Variants in TSBP1 observed in about 807,000 individuals in gnomAD.
The protein encoded by TSBP1 is testis expressed basic protein 1.
TSBP1 carries 56 observed loss-of-function variants against 68.8 expected under a neutral mutation model. The ratio of observed to expected loss-of-function variants is 0.81; its 90% CI spans 0.66 to 1.02. The LOEUF (loss-of-function observed/expected upper bound fraction) is 1.02. Ranked by LOEUF, TSBP1 falls within the 50% of genes least tolerant of loss-of-function variation. The pLI, the probability that TSBP1 is intolerant of heterozygous loss-of-function variation, is 0.00. For missense variants in TSBP1, 502 were observed against 641.2 expected (o/e 0.78, Z 2.34); for synonymous variants, 171 against 208.7 (o/e 0.82, Z 1.56).
chr6:32,293,892 T>G, exon 23 of TSBP1: 1 of 1,612,982 alleles, frequency 6.2e-7, no homozygotes, highest in East Asian at 2.2e-5. Flanking sequence ...TCTACAGAAT[T>G]CGTAAATATG....
In TSBP1 at chr6:32,365,774, T is replaced by G. The variant is rs1773632253; in HGVS notation, c.217+393A>C. The G allele has an allele frequency of 2.5e-6, 1 of 397,072 alleles. No individual in the cohort carries two copies. The highest frequency in any genetic ancestry group is 4.9e-6 in the Non-Finnish European group (1 of 202,934). The allele number at this position is 397,072 out of a possible 1,614,324, so 24.6% of individuals were successfully genotyped here. ...CTTCTTACCCTCTTTAATACATCTG[T>G]TCTAGGATTTTATAACCTGACAGCG... On this transcript the variant is annotated intron_variant, in intron 6 of 22. Transcript: ENST00000612031. This position sits in a 1 kb window ranked among gnomAD's most constrained non-coding sequence, Gnocchi z 4.3.
intron 14 of TSBP1, 29 bp from the exon 16 acceptor site, chr6:32,332,083 G>A (rs1769094570): frequency 6.4e-7 from 1 of 1,560,346 alleles, no homozygotes; most frequent in South Asian, 1.1e-5. Flanking sequence ...TGGCATATTA[G>A]TACAGTTATT....
chr6:32,352,681 A>T (rs1771857767), intron 8 of TSBP1, among the ~76,000 whole-genome samples: 1 of 151,972 alleles, frequency 6.6e-6, no homozygotes, highest in Non-Finnish European at 1.5e-5. Context: ...ACACAAGACA[A>T]AAACAAACTT....
At position 32,293,089 on chromosome 6, in the gene TSBP1, GTCCTT is replaced by G; in HGVS notation, c.1579_1583del (p.Lys527GlnfsTer3). 6.2e-7 allele frequency: 1 copy of G among 1,608,876 alleles called. No individual in the cohort carries two copies. The highest frequency in any genetic ancestry group is 8.5e-7 in the Non-Finnish European group (1 of 1,176,866). On this transcript the variant is annotated frameshift_variant, in exon 23 of 23. Transcript: ENST00000612031. LOFTEE classifies it low-confidence loss of function (END_TRUNC). ...CTGATTCTCTCTTTCCTTTAACTTT[GTCCTT>G]TCCTTTGTCACCTTTTGTGTTTTTG...
In TSBP1 at chr6:32,325,263, G is replaced by T; in HGVS notation, c.515-1649C>A. The T allele has an allele frequency of 7.7e-7, 1 of 1,297,262 alleles. No individual in the cohort carries two copies. The highest frequency in any genetic ancestry group is 1.1e-6 in the Non-Finnish European group (1 of 933,022). The allele number at this position is 1,297,262 out of a possible 1,614,324, so 80.4% of individuals were successfully genotyped here. ...CTAAAGAGCCAGAACAACTGAGGAA[G>T]CTCTTCATTGGAGGGTTGAGCTTTG... On this transcript the variant is annotated intron_variant, in intron 16 of 22. Coordinates refer to ENST00000612031, the Ensembl canonical transcript of TSBP1. The surrounding 1 kb of genome is among the most constrained non-coding windows in gnomAD (Gnocchi z 4.4).
chr6:32,300,105 A>C (rs1184398983), intron 21 of TSBP1, among the ~76,000 whole-genome samples, 169 bp from the exon 25 acceptor site: 1 of 151,962 alleles, frequency 6.6e-6, no homozygotes, highest in African/African-American at 2.4e-5. Context: ...ATCGCACTCC[A>C]CACAGAGGGT....
intron 18 of TSBP1, among the ~76,000 whole-genome samples, chr6:32,320,614 C>T (rs1767517289): frequency 6.6e-6 from 1 of 151,902 alleles, no homozygotes; most frequent in Non-Finnish European, 1.5e-5. Context: ...TCAATTTCTG[C>T]TCCTTGGAAA....
At chr6:32,299,896 G>C in intron 22 of TSBP1, 26 bp downstream of exon 25, 2 of 1,575,656 alleles carry the variant, frequency 1.3e-6, no homozygotes, top group Non-Finnish European at 1.7e-6. Context: ...TAAAATATCA[G>C]AGTTGAGAAT....
chr6:32,355,302 C>T (rs939171089), intron 7 of TSBP1, among the ~76,000 whole-genome samples, 158 bp from the exon 8 acceptor site: 6 of 152,176 alleles, frequency 3.9e-5, no homozygotes, highest in Admixed American at 1.3e-4. Flanking sequence ...CAGCCACTCC[C>T]ACCAGCTACT....
At position 32,343,064 on chromosome 6, in the gene TSBP1, G is replaced by A. The variant is rs1029602428; in HGVS notation, c.350-3426C>T. Among the ~76,000 whole-genome samples the A allele has an allele frequency of 1.3e-5, 2 of 152,148 alleles. No individual in the cohort carries two copies. The highest frequency in any genetic ancestry group is 3.9e-4 in the East Asian group (2 of 5,186). On this transcript the variant is annotated intron_variant, in intron 9 of 22. Transcript: ENST00000612031. This position sits in a 1 kb window ranked among gnomAD's most constrained non-coding sequence, Gnocchi z 4.3. ...CTTAGAGAGGGGGAAATGTGAGAAA[G>A]GTGGGCATGATCCAGTTAAGATGGC...
At chr6:32,305,533 A>T (rs1459696242) in intron 19 of TSBP1, among the ~76,000 whole-genome samples, 1 of 152,178 alleles carries the variant, frequency 6.6e-6, no homozygotes, top group Non-Finnish European at 1.5e-5. Flanking sequence ...TACTTATATA[A>T]ATAAAAACTG....
At chr6:32,351,758 T>G (rs1287961933) in intron 8 of TSBP1, among the ~76,000 whole-genome samples, 1 of 152,086 alleles carries the variant, frequency 6.6e-6, no homozygotes, top group African/African-American at 2.4e-5. Flanking sequence ...TTCAGGATTT[T>G]CCATTGTGGG....
rs1401952000 is a variant in TSBP1 at position 32,336,013 on chromosome 6, C to T, written c.431-81G>A. On this transcript the variant is annotated intron_variant, in intron 12 of 22. Coordinates refer to ENST00000612031, the Ensembl canonical transcript of TSBP1. This position sits in a 1 kb window ranked among gnomAD's most constrained non-coding sequence, Gnocchi z 5.2. ...AAGGAAATTTCCATTTCCCAACACT[C>T]GCTCTAGGGAGTATCATAAATAGAA... 13 of 1,153,222 alleles carry T rather than the reference C, an allele frequency of 1.1e-5. No homozygotes were observed. The highest frequency in any genetic ancestry group is 7.0e-5 in the East Asian group (3 of 42,756). 71.4% of individuals were successfully genotyped at this position (1,153,222 alleles called of 1,614,324 possible).
chr6:32,324,550 G>C, intron 16 of TSBP1: 5 of 1,439,268 alleles, frequency 3.5e-6, no homozygotes, highest in Non-Finnish European at 4.8e-6. Context: ...AAGAGGCCAA[G>C]ATATATCTCA....
intron 9 of TSBP1, among the ~76,000 whole-genome samples, chr6:32,342,093 G>A (rs1770435300): frequency 6.7e-6 from 1 of 148,392 alleles, no homozygotes; most frequent in Non-Finnish European, 1.5e-5. Flanking sequence ...AGTTCCAGAA[G>A]GTTTATTTAA....
At chr6:32,342,164 C>G (rs1175100787) in intron 9 of TSBP1, among the ~76,000 whole-genome samples, 1 of 147,934 alleles carries the variant, frequency 6.8e-6, no homozygotes, top group African/African-American at 2.5e-5. Context: ...CCTCACTTCT[C>G]TGTTCTTTTT....
rs5875351 is a variant in TSBP1 at position 32,301,709 on chromosome 6, TAAAAA to T, written c.601+895_601+899del. 1.6e-3 allele frequency among the ~76,000 whole-genome samples: 235 copies of T among 144,306 alleles called. 2 individuals carry two copies. Among genetic ancestry groups the T allele is most frequent in the African/African-American group, 4.9e-3 (190 of 38,912 alleles). The allele number at this position is 144,306 out of a possible 152,430, so 94.7% of individuals were successfully genotyped here. The stretch of plus-strand genomic sequence containing the variant: ...AGCCTGGGTGAGTGAAACGCTGTTT[TAAAAA>T]AAAAAAAAAAGCACAGAATAATAAG... On this transcript the variant is annotated intron_variant, in intron 20 of 22. Coordinates refer to ENST00000612031, the Ensembl canonical transcript of TSBP1.
intron 15 of TSBP1, among the ~76,000 whole-genome samples, chr6:32,331,497 TA>T (rs1261561669): frequency 2.0e-5 from 3 of 152,156 alleles, no homozygotes; most frequent in Non-Finnish European, 4.4e-5. Context: ...AAGACCTTGG[TA>T]AAAGTGAAAC....
chr6:32,336,489 T>C lies in TSBP1; in HGVS notation c.430+126A>G. 2.5e-6 allele frequency: 2 copies of C among 789,170 alleles called. No individual in the cohort carries two copies. The highest frequency in any genetic ancestry group is 3.4e-5 in the South Asian group (2 of 59,650). 48.9% of individuals were successfully genotyped at this position (789,170 alleles called of 1,614,324 possible). ...CAATATACCCATTAGCAAACCTGCA[T>C]ATGCACCACCGGAATCTAAAATAAA... On this transcript the variant is annotated intron_variant, in intron 12 of 22. Coordinates refer to ENST00000612031, the Ensembl canonical transcript of TSBP1. This position sits in a 1 kb window ranked among gnomAD's most constrained non-coding sequence, Gnocchi z 5.2.
Sources: allele counts gnomAD v4.1 joint callset (sites outside exome capture counted in the v4.1 genomes callset), GRCh38; gene constraint gnomAD v4.1.1; non-coding constraint Gnocchi (gnomAD v3.1); transcripts MANE v1.5; gene names NCBI Gene and HGNC (gene_info 2026-07-23, HGNC 2026-07-21).